Variants in KIAA0930 observed in about 807,000 individuals in gnomAD.
KIAA0930 encodes the protein KIAA0930, also known as uncharacterized protein KIAA0930.
Under a neutral mutation model 43.9 loss-of-function variants are expected in KIAA0930, and 24 were observed. The ratio of observed to expected loss-of-function variants is 0.55; its 90% CI spans 0.40 to 0.77. The LOEUF is 0.77. KIAA0930 is among the 30% of genes least tolerant of loss of function. The pLI, the probability that KIAA0930 is intolerant of heterozygous loss-of-function variation, is 0.00. For synonymous variants in KIAA0930, 259 were observed against 216.4 expected (o/e 1.20, Z -1.73); for missense variants, 461 against 574.2 (o/e 0.80, Z 2.02).
rs184701314 is a variant in KIAA0930, at chr22:45,239,519, T to C, written c.64+1121A>G. ...CTGCTCACTGGGAAGCCTCCCATGC[T>C]AAGCCTGCCTCCTACAAAAGGGATT... On this transcript the variant is annotated intron_variant, in intron 1 of 9. Transcript: ENST00000336156. 3.2e-3 allele frequency among the ~76,000 whole-genome samples: 483 copies of C among 152,266 alleles called. 1 individual carries two copies. Among genetic ancestry groups the C allele is most frequent in the Non-Finnish European group, 5.7e-3 (390 of 68,012 alleles).
chr22:45,213,855 CA>C (rs1569078024), intron 1 of KIAA0930, among the ~76,000 whole-genome samples: 1 of 152,068 alleles, frequency 6.6e-6, no homozygotes, highest in Non-Finnish European at 1.5e-5. Context: ...AGTAAAAACA[CA>C]AAAATTAGCC....
In KIAA0930 at chr22:45,217,491, A is replaced by G. The variant is rs1348270756; in HGVS notation, c.65-5384T>C. On this transcript the variant is annotated intron_variant, in intron 1 of 9. Transcript: ENST00000336156. ...TCTAACACATGTATTTTCTCCATAA[A>G]GTACATCACAGCCATCTTGTGCCTG... 3.3e-5 allele frequency among the ~76,000 whole-genome samples: 5 copies of G among 152,274 alleles called. No homozygotes were observed. In the East Asian group the frequency reaches 5.8e-4, roughly 18 times the overall value.
chr22:45,211,995 C>T lies in KIAA0930; in HGVS notation c.177G>A (p.Leu59=). The change falls in exon 2 of 10, where the codon CTG becomes CTA. Residue 59 remains leucine (L), a synonymous_variant. Coordinates refer to ENST00000336156, the MANE Select transcript of KIAA0930 (RefSeq NM_001009880.2). ...CACCGCTTTCGCTGCCGGAGTACGC[C>T]AGCTTCCGGCGCACATAGAAAAGCA... is the stretch of plus-strand genomic sequence containing the variant. ...DDMLFYVRRK[L]AYSGSESGAD... 6.2e-7 allele frequency: 1 copy of T among 1,613,402 alleles called. No homozygotes were observed. Among genetic ancestry groups the T allele is most frequent in the East Asian group, 2.2e-5 (1 of 44,876 alleles).
intron 1 of KIAA0930, among the ~76,000 whole-genome samples, chr22:45,219,074 T>G (rs932269760): frequency 3.3e-5 from 5 of 152,194 alleles, no homozygotes; most frequent in African/African-American, 1.2e-4. Flanking sequence ...GCATTTCACG[T>G]GAATCCAATC....
At chr22:45,238,996 A>G (rs535951269) in intron 1 of KIAA0930, among the ~76,000 whole-genome samples, 1 of 152,172 alleles carries the variant, frequency 6.6e-6, no homozygotes, top group Non-Finnish European at 1.5e-5. Context: ...TGAGTAAAGC[A>G]CCCGGCACAT....
At chr22:45,197,711 G>A (rs994864599) in intron 9 of KIAA0930, 79 bp downstream of exon 9, 2 of 1,486,014 alleles carry the variant, frequency 1.3e-6, no homozygotes, top group Admixed American at 3.4e-5. Context: ...GACTCCGGGT[G>A]GCTCACAAGT....
chr22:45,201,349 C>T (rs1472309335), intron 7 of KIAA0930, among the ~76,000 whole-genome samples: 1 of 152,200 alleles, frequency 6.6e-6, no homozygotes, highest in Non-Finnish European at 1.5e-5. Context: ...CCTCCTGAAT[C>T]CCAGGGCTGC....
At chr22:45,198,215 C>T (rs928453706) in intron 8 of KIAA0930, among the ~76,000 whole-genome samples, 1 of 152,226 alleles carries the variant, frequency 6.6e-6, no homozygotes, top group Non-Finnish European at 1.5e-5. Flanking sequence ...CTGTCACAAG[C>T]TTAGTCTCCT....
At chr22:45,225,116 C>G (rs2083790788) in intron 1 of KIAA0930, among the ~76,000 whole-genome samples, 1 of 152,076 alleles carries the variant, frequency 6.6e-6, no homozygotes, top group African/African-American at 2.4e-5. Context: ...CCAGGCGGCC[C>G]TTGGCCCTCT....
chr22:45,193,416 C>T lies in KIAA0930; in HGVS notation c.*3760G>A, dbSNP rs1199470551. The T allele has an allele frequency of 6.6e-6, 1 of 151,966 alleles. No individual in the cohort carries two copies. Among genetic ancestry groups the T allele is most frequent in the Non-Finnish European group, 1.5e-5 (1 of 68,012 alleles). The allele number at this position is 151,966 out of a possible 1,614,324, so 9.4% of individuals were successfully genotyped here. The stretch of plus-strand genomic sequence containing the variant: ...GCTGCACAGGGCCTTTCCTCTGGGA[C>T]ATCTTTTAATGAAAAAAAAAAGTTT... On this transcript the variant is annotated 3_prime_UTR_variant, in exon 10 of 10. Coordinates refer to ENST00000336156, the MANE Select transcript of KIAA0930 (RefSeq NM_001009880.2).
At chr22:45,201,224 C>T (rs1008511740) in intron 7 of KIAA0930, among the ~76,000 whole-genome samples, 7 of 152,246 alleles carry the variant, frequency 4.6e-5, no homozygotes, top group African/African-American at 9.6e-5. Context: ...GCATGTGTCA[C>T]GCACTGGCTC....
Position 45,221,784 on chromosome 22 carries a change from G to C in KIAA0930, c.65-9677C>G, listed in dbSNP as rs544543376. Among the ~76,000 whole-genome samples, 4 of 152,288 alleles carry C rather than the reference G, an allele frequency of 2.6e-5. No homozygotes were observed. The South Asian group carries it at 8.3e-4, about 32-fold the overall frequency. On this transcript the variant is annotated intron_variant, in intron 1 of 9. Transcript: ENST00000336156. The stretch of plus-strand genomic sequence containing the variant: ...AGTCTCACTCTTGTTGCCCAGGCTG[G>C]AGTACGGTGGCACGATCTTGGCTCA...
intron 6 of KIAA0930, 132 bp downstream of exon 6, chr22:45,203,713 G>A: frequency 1.0e-6 from 1 of 983,202 alleles, no homozygotes; most frequent in Non-Finnish European, 1.5e-6. Context: ...AGCCCGGAGG[G>A]GCTGCAGGTA....
intron 1 of KIAA0930, among the ~76,000 whole-genome samples, chr22:45,222,810 TAA>T (rs1376407373): frequency 6.6e-6 from 1 of 151,670 alleles, no homozygotes; most frequent in Non-Finnish European, 1.5e-5. Flanking sequence ...GAAGGAAATA[TAA>T]GTGGTTTTAG....
chr22:45,240,485 C>G (rs913201616), intron 1 of KIAA0930, among the ~76,000 whole-genome samples, 155 bp downstream of exon 1: 19 of 151,442 alleles, frequency 1.3e-4, no homozygotes, highest in East Asian at 2.0e-4. Context: ...GGGGGGGGGG[C>G]CATGGAGGAA....
intron 1 of KIAA0930, among the ~76,000 whole-genome samples, chr22:45,228,443 G>A (rs2083816610): frequency 6.6e-6 from 1 of 152,158 alleles, no homozygotes; most frequent in Admixed American, 6.5e-5. Context: ...GACACGCTCT[G>A]AGGCTCTAGG....
intron 2 of KIAA0930, among the ~76,000 whole-genome samples, chr22:45,211,668 A>C (rs1445518615): frequency 6.6e-6 from 1 of 152,156 alleles, no homozygotes; most frequent in Non-Finnish European, 1.5e-5. Flanking sequence ...AGGCCAGCCG[A>C]GTTAGCTGTC....
At chr22:45,212,574 A>C in intron 1 of KIAA0930, 1 of 1,383,626 alleles carries the variant, frequency 7.2e-7, no homozygotes. Context: ...ACCCGACTTA[A>C]AGGGACAGCC....
At chr22:45,230,103 C>A (rs1394941068) in intron 1 of KIAA0930, among the ~76,000 whole-genome samples, 1 of 152,112 alleles carries the variant, frequency 6.6e-6, no homozygotes, top group African/African-American at 2.4e-5. Flanking sequence ...CACATGGGGA[C>A]ATATGGGACA....
Sources: gnomAD v4.1 joint callset for allele counts (sites outside exome capture counted in the v4.1 genomes callset) on GRCh38, gnomAD v4.1.1 for gene constraint, MANE v1.5 for transcripts, NCBI Gene and HGNC (gene_info 2026-07-23, HGNC 2026-07-21) for gene names.